Variants in DOCK9 observed in about 807,000 individuals in gnomAD.
DOCK9 encodes the protein dedicator of cytokinesis 9.
In DOCK9, 89 loss-of-function variants were observed where a neutral mutation model predicts 263.3. The observed-to-expected ratio is 0.34, with a 90% CI of 0.28 to 0.40. The LOEUF (loss-of-function observed/expected upper bound fraction) is 0.40, where lower values mean the gene tolerates loss of function less well. DOCK9 is among the 10% of genes least tolerant of loss of function. The pLI is 1.00. For synonymous variants in DOCK9, 976 were observed against 973.1 expected, an observed-to-expected ratio of 1.00 and a Z score of -0.06; for missense variants, 2,140 against 2,603.4, an observed-to-expected ratio of 0.82 and a Z score of 3.87.
intron 1 of DOCK9, among the ~76,000 whole-genome samples, chr13:99,083,884 T>G (rs977642263): frequency 1.2e-4 from 18 of 152,220 alleles, no homozygotes; most frequent in Admixed American, 3.3e-4. Context: ...ACACATAGTT[T>G]AATTTTTTTT....
intron 15 of DOCK9, 146 bp from the exon 16 acceptor site, chr13:98,888,857 G>T: frequency 1.5e-6 from 1 of 651,914 alleles, no homozygotes; most frequent in Non-Finnish European, 2.6e-6. Flanking sequence ...CAGCAAACAG[G>T]AACTGGTAAC....
At chr13:99,083,351 CA>C (rs1208181630) in intron 1 of DOCK9, among the ~76,000 whole-genome samples, 2 of 151,788 alleles carry the variant, frequency 1.3e-5, no homozygotes, top group African/African-American at 4.8e-5. Context: ...AACAAACTAA[CA>C]ATCAAATATT....
chr13:98,955,351 C>A (rs1360958242), intron 2 of DOCK9, 84 bp downstream of exon 2: 6 of 895,420 alleles, frequency 6.7e-6, no homozygotes, highest in South Asian at 2.3e-5. Context: ...ATTAACTAAC[C>A]AAACAATAAA....
At position 98,809,395 on chromosome 13, in the gene DOCK9, C is replaced by A. The variant is rs773845191; in HGVS notation, c.5324G>T (p.Arg1775Leu). The A allele has an allele frequency of 6.2e-7, 1 of 1,613,546 alleles. No homozygotes were observed. The highest frequency in any genetic ancestry group is 2.2e-5 in the East Asian group (1 of 44,888). The change falls in exon 47 of 53, where the codon CGC (arginine) becomes CTC (leucine). Residue 1775 changes from arginine (R) to leucine (L), a missense_variant. Arg to Leu is a moderately radical substitution (Grantham distance 102). Around this residue, in one of 2 missense-constraint regions of DOCK9, gnomAD observed 619 missense variants for 861.8 expected, o/e 0.72. Transcript: ENST00000682017. ...SKVTEVMHSG[R>L]RLLGTYFRVA... The stretch of plus-strand genomic sequence containing the variant: ...CCGGAAGTAGGTCCCCAGAAGCCTG[C>A]GGCCCGAGTGCATGACCTCGGTCAC...
chr13:98,935,435 G>T lies in DOCK9; in HGVS notation c.244-5178C>A, dbSNP rs375453763. Among the ~76,000 whole-genome samples, 5 of 152,284 alleles carry T rather than the reference G, an allele frequency of 3.3e-5. No homozygotes were observed. The East Asian group carries it at 9.6e-4, about 29-fold the overall frequency. On this transcript the variant is annotated intron_variant, in intron 2 of 52. Transcript: ENST00000682017. ...CCAACAGAAAGAACCAGGCTTCCATGGCTGGAGGAATTCTGTCAGTGTCTC... is the reference window on the plus strand; with the variant it reads ...CCAACAGAAAGAACCAGGCTTCCATTGCTGGAGGAATTCTGTCAGTGTCTC...
At chr13:98,888,325 G>C (rs765277910) in intron 17 of DOCK9, 35 bp downstream of exon 17, 1 of 1,606,678 alleles carries the variant, frequency 6.2e-7, no homozygotes, top group Non-Finnish European at 8.5e-7. Flanking sequence ...GGGAGGGTTT[G>C]ACATCAAGAA....
chr13:99,071,917 A>C (rs899970121), intron 1 of DOCK9, among the ~76,000 whole-genome samples: 1 of 152,090 alleles, frequency 6.6e-6, no homozygotes, highest in Non-Finnish European at 1.5e-5. Flanking sequence ...CTTCCTCATC[A>C]TGGGGCATTA....
chr13:98,826,652 CA>C (rs5806075), intron 44 of DOCK9, among the ~76,000 whole-genome samples, 177 bp downstream of exon 44: 152,344 of 152,356 alleles, frequency 1, 76,166 homozygotes, highest in Non-Finnish European at 1. Context: ...CTAGTCCTGG[CA>C]ATTTCTGCTG....
chr13:98,891,720 T>C (rs569873385), intron 15 of DOCK9, among the ~76,000 whole-genome samples: 117 of 152,354 alleles, frequency 7.7e-4, no homozygotes, highest in African/African-American at 2.6e-3. Flanking sequence ...ATTTTACTTC[T>C]AGTTGCTGCT....
At chr13:98,980,370 G>A (rs1011096803), upstream of DOCK9, among the ~76,000 whole-genome samples, 3 of 152,364 alleles carry the variant, frequency 2.0e-5, no homozygotes, top group South Asian at 6.2e-4. Context: ...TTTGACAGAT[G>A]AGGAAACTGA....
intron 11 of DOCK9, 122 bp downstream of exon 11, chr13:98,902,850 C>T (rs1313456561): frequency 3.3e-5 from 33 of 998,830 alleles, no homozygotes; most frequent in Middle Eastern, 5.3e-4. Context: ...ATATCCTGAT[C>T]CAAACACTGC....
rs115363918 is a variant in DOCK9, at chr13:98,963,340, T to C, written c.127-7789A>G. Among the ~76,000 whole-genome samples, 997 of 152,188 alleles carry C rather than the reference T, an allele frequency of 6.6e-3. 14 individuals carry two copies. Among genetic ancestry groups the C allele is most frequent in the African/African-American group, 0.023 (937 of 41,512 alleles). ...AAAAGGCAATCAGAAGCAGGAAATGTTCTTAGTGCCAGGAAAATGAGATTC... is the reference window on the plus strand; with the variant it reads ...AAAAGGCAATCAGAAGCAGGAAATGCTCTTAGTGCCAGGAAAATGAGATTC... On this transcript the variant is annotated intron_variant, in intron 1 of 52. Coordinates refer to ENST00000682017, the MANE Select transcript of DOCK9 (RefSeq NM_001366683.2).
At chr13:98,950,587 G>T (rs1291777807) in intron 2 of DOCK9, 9 of 287,374 alleles carry the variant, frequency 3.1e-5, no homozygotes, top group South Asian at 1.7e-4. Flanking sequence ...ACAGGCGTGA[G>T]CCAACGAACC....
At chr13:98,912,382 A>G (rs928642606) in intron 9 of DOCK9, among the ~76,000 whole-genome samples, 11 of 152,212 alleles carry the variant, frequency 7.2e-5, no homozygotes, top group African/African-American at 2.7e-4. Context: ...TCTACAATTC[A>G]TGTTTGAGCA....
intron 10 of DOCK9, 42 bp downstream of exon 10, chr13:98,904,590 C>G (rs1344487743): frequency 7.1e-7 from 1 of 1,399,760 alleles, no homozygotes; most frequent in African/African-American, 1.4e-5. Flanking sequence ...ATTTTCTCTC[C>G]CACATTTGGT....
chr13:98,881,759 G>T, intron 24 of DOCK9, 132 bp from the exon 25 acceptor site: 1 of 1,233,166 alleles, frequency 8.1e-7, no homozygotes, highest in Non-Finnish European at 1.2e-6. Flanking sequence ...ATTAGATGGG[G>T]TCCTTACACA....
intron 2 of DOCK9, among the ~76,000 whole-genome samples, chr13:98,943,451 G>C (rs1433857746): frequency 6.6e-6 from 1 of 152,176 alleles, no homozygotes; most frequent in African/African-American, 2.4e-5. Flanking sequence ...TTTTGTGCCT[G>C]GTCATACGTT....
At position 98,888,728 on chromosome 13, in the gene DOCK9, A is replaced by G. The variant is rs1263175194; in HGVS notation, c.1710-17T>C. On this transcript the variant is annotated splice_polypyrimidine_tract_variant and intron_variant, in intron 15 of 52. Coordinates refer to ENST00000682017, the MANE Select transcript of DOCK9 (RefSeq NM_001366683.2). Reference sequence around the variant, plus strand: ...TTCTCAGGTCTGCAAACAAAAGAAGAGAAAAATTAAACATTCGTAAGTTAA... The same window carrying G: ...TTCTCAGGTCTGCAAACAAAAGAAGGGAAAAATTAAACATTCGTAAGTTAA... The G allele has an allele frequency of 6.2e-7, 1 of 1,609,180 alleles. No individual in the cohort carries two copies. The highest frequency in any genetic ancestry group is 1.1e-5 in the South Asian group (1 of 90,292).
chr13:98,838,955 A>G (rs192096788), intron 38 of DOCK9, among the ~76,000 whole-genome samples: 1 of 152,362 alleles, frequency 6.6e-6, no homozygotes, highest in East Asian at 1.9e-4. Flanking sequence ...ACTGTATCAT[A>G]GTACATATTA....
Sources: gnomAD v4.1 joint callset for allele counts (sites outside exome capture counted in the v4.1 genomes callset) on GRCh38, gnomAD v4.1.1 for gene constraint, gnomAD v4.1.1 regional missense constraint, MANE v1.5 for transcripts, NCBI Gene and HGNC (gene_info 2026-07-23, HGNC 2026-07-21) for gene names.